DCAF4: variants seen among roughly 807,000 people sequenced by gnomAD.
The protein encoded by DCAF4 is DDB1- and CUL4-associated factor 4.
Under a neutral mutation model 60.9 loss-of-function variants are expected in DCAF4, and 37 were observed. The ratio of observed to expected loss-of-function variants is 0.61; its 90% CI spans 0.47 to 0.80. The LOEUF (loss-of-function observed/expected upper bound fraction) is 0.80, where lower values mean the gene tolerates loss of function less well. Ranked by LOEUF, DCAF4 falls within the 30% of genes least tolerant of loss-of-function variation. DCAF4 has a pLI of 0.00. For missense variants in DCAF4, 577 were observed against 650.0 expected, an observed-to-expected ratio of 0.89 and a Z score of 1.22; for synonymous variants, 243 against 254.8, an observed-to-expected ratio of 0.95 and a Z score of 0.44.
downstream of DCAF4, chr14:72,961,703 C>G: frequency 1.9e-6 from 1 of 513,014 alleles, no homozygotes; most frequent in Non-Finnish European, 2.5e-6. Context: ...CCCAGAGGCT[C>G]AGGACATTTG....
Position 72,930,024 on chromosome 14 carries a change from CCGAGGT to C in DCAF4, c.-9+3482_-9+3487del. 5.2e-6 allele frequency: 3 copies of C among 578,202 alleles called. No homozygotes were observed. In the South Asian group the frequency reaches 6.6e-5, roughly 13 times the overall value. 35.8% of individuals were successfully genotyped at this position (578,202 alleles called of 1,614,324 possible). ...GCTCGTGCCTGTAATTCCGGCTACT[CCGAGGT>C]TGAGGCAGGAGGACGGCTTGAGCCG... is the stretch of plus-strand genomic sequence containing the variant. On this transcript the variant is annotated intron_variant, in intron 1 of 13. Coordinates refer to ENST00000358377, the MANE Select transcript of DCAF4 (RefSeq NM_015604.4).
chr14:72,940,700 C>T (rs1483954982), intron 4 of DCAF4, among the ~76,000 whole-genome samples: 1 of 149,982 alleles, frequency 6.7e-6, no homozygotes, highest in Non-Finnish European at 1.5e-5. Context: ...AAGCAATTCT[C>T]CTGCCTCAGC....
intron 7 of DCAF4, among the ~76,000 whole-genome samples, chr14:72,946,392 G>A (rs1890751768): frequency 6.6e-6 from 1 of 152,098 alleles, no homozygotes; most frequent in Non-Finnish European, 1.5e-5. Context: ...GTAACAGAGC[G>A]AGACCCTGTC....
At position 72,956,411 on chromosome 14, in the gene DCAF4, C is replaced by T. The variant is rs754829401; in HGVS notation, c.1205C>T (p.Thr402Met). ...GKIKLWDLRTTKCVRQYEGHV... is the reference protein window; with the variant it reads ...GKIKLWDLRTMKCVRQYEGHV... ...ATCAAGCTGTGGGACCTGAGGACCA[C>T]GAAGTGCGTAAGGCAGTACGAAGGC... The change falls in exon 13 of 14, where the codon ACG becomes ATG. Residue 402 changes from threonine (T) to methionine (M), a missense_variant. Coordinates refer to ENST00000358377, the MANE Select transcript of DCAF4 (RefSeq NM_015604.4). 4 of 1,611,472 alleles carry T rather than the reference C, an allele frequency of 2.5e-6. No individual in the cohort carries two copies. The highest frequency in any genetic ancestry group is 1.7e-5 in the Admixed American group (1 of 59,702).
At chr14:72,953,732 A>AAATATATATATATATATAT in intron 9 of DCAF4, among the ~76,000 whole-genome samples, 1 of 21,766 alleles carries the variant, frequency 4.6e-5, no homozygotes, top group South Asian at 2.6e-3. Flanking sequence ...AAAAAAAAAA[A>AAATATATATATATATATAT]ATATATATAT....
chr14:72,945,577 A>G (rs951727784), intron 6 of DCAF4, among the ~76,000 whole-genome samples: 13 of 151,944 alleles, frequency 8.6e-5, no homozygotes, highest in South Asian at 2.1e-4. Context: ...GGTGGATGCT[A>G]GGGCTCTCCC....
chr14:72,956,869 C>A, intron 13 of DCAF4: 1 of 256,926 alleles, frequency 3.9e-6, no homozygotes, highest in East Asian at 1.4e-4. Context: ...TGTCTCTACT[C>A]ACATTTCCAC....
At chr14:72,948,415 C>T (rs1422149722) in intron 8 of DCAF4, among the ~76,000 whole-genome samples, 1 of 152,166 alleles carries the variant, frequency 6.6e-6, no homozygotes, top group East Asian at 1.9e-4. Flanking sequence ...TTATATAAGG[C>T]ATCAAACTAT....
chr14:72,948,155 T>G (rs1453114953), intron 8 of DCAF4, among the ~76,000 whole-genome samples: 1 of 152,204 alleles, frequency 6.6e-6, no homozygotes, highest in Non-Finnish European at 1.5e-5. Flanking sequence ...TTTTATTTGT[T>G]TCACAGCACT....
chr14:72,944,172 C>G (rs925787197), intron 6 of DCAF4, among the ~76,000 whole-genome samples: 1 of 152,138 alleles, frequency 6.6e-6, no homozygotes, highest in Non-Finnish European at 1.5e-5. Flanking sequence ...CTTCCTCTCT[C>G]CTGACCCAGG....
Position 72,958,594 on chromosome 14 carries a change from G to A in DCAF4, c.1295-18G>A, listed in dbSNP as rs931086566. The stretch of plus-strand genomic sequence containing the variant: ...GCATTCTCTCACTAGCCTGCCATGT[G>A]TCTCTCCTCTTTCCTAGTGGGCCAG... On this transcript the variant is annotated intron_variant, in intron 13 of 13. Transcript: ENST00000358377. 1 of 1,614,050 alleles carries A rather than the reference G, an allele frequency of 6.2e-7. No individual in the cohort carries two copies. Among genetic ancestry groups the A allele is most frequent in the Non-Finnish European group, 8.5e-7 (1 of 1,179,960 alleles).
intron 1 of DCAF4, among the ~76,000 whole-genome samples, chr14:72,932,125 A>G (rs1219977478): frequency 1.3e-5 from 2 of 151,890 alleles, no homozygotes; most frequent in South Asian, 2.1e-4. Flanking sequence ...AGTAGCTGAG[A>G]CTACAGGTGT....
chr14:72,937,036 G>A (rs962800279), intron 1 of DCAF4, among the ~76,000 whole-genome samples: 11 of 152,194 alleles, frequency 7.2e-5, no homozygotes, highest in Non-Finnish European at 1.6e-4. Context: ...AGAAAGGCGA[G>A]GAGAGAGGAA....
At chr14:72,928,237 A>C (rs921522088) in intron 1 of DCAF4, among the ~76,000 whole-genome samples, 1 of 92,890 alleles carries the variant, frequency 1.1e-5, no homozygotes. Context: ...ATTGTTGCCC[A>C]GGCTGGAGCA....
chr14:72,938,798 G>A (rs114865562), intron 2 of DCAF4, among the ~76,000 whole-genome samples: 92 of 152,178 alleles, frequency 6.0e-4, no homozygotes, highest in African/African-American at 2.0e-3. Flanking sequence ...CAGAGCTTGC[G>A]GGACTGGAAG....
downstream of DCAF4, chr14:72,961,948 CG>C: frequency 8.7e-7 from 1 of 1,145,324 alleles, no homozygotes; most frequent in Non-Finnish European, 1.1e-6. Context: ...CCCAGCTCTC[CG>C]TCGGAGCACG....
chr14:72,959,921 G>A (rs1029260646), downstream of DCAF4, among the ~76,000 whole-genome samples: 5 of 152,162 alleles, frequency 3.3e-5, no homozygotes, highest in African/African-American at 4.8e-5. Context: ...GTGGTTCCCC[G>A]GCTCCCTTCT....
intron 1 of DCAF4, chr14:72,926,936 A>G (rs1887640174): frequency 6.6e-6 from 1 of 152,410 alleles, no homozygotes; most frequent in Admixed American, 6.5e-5. Context: ...TCAGGTCAGC[A>G]TAACAGGTTA....
chr14:72,958,669 C>A lies in DCAF4; in HGVS notation c.1352C>A (p.Thr451Asn), dbSNP rs1335248215. Residue 451 changes from threonine (T) to asparagine (N), a missense_variant, in exon 14 of 14, where the codon ACC (threonine) becomes AAC (asparagine). By Grantham distance (65) the Thr-to-Asn change is moderately conservative. Transcript: ENST00000358377. ...WSLHDARLLR[T>N]IPSPYPASKA... The stretch of plus-strand genomic sequence containing the variant: ...CTCCACGATGCCCGCCTACTGAGAA[C>A]CATACCCTCCCCGTACCCTGCCTCC... 1.2e-6 allele frequency: 2 copies of A among 1,614,122 alleles called. No individual in the cohort carries two copies. The highest frequency in any genetic ancestry group is 1.3e-5 in the African/African-American group (1 of 74,944).
Sources: allele counts gnomAD v4.1 joint callset (sites outside exome capture counted in the v4.1 genomes callset), GRCh38; gene constraint gnomAD v4.1.1; transcripts MANE v1.5; gene names NCBI Gene and HGNC (gene_info 2026-07-23, HGNC 2026-07-21).